The following TCF12 variants were observed in gnomAD, a reference collection of about 807,000 sequenced individuals.
TCF12 encodes the protein transcription factor 12.
In TCF12, 45 loss-of-function variants were observed where a neutral mutation model predicts 86.0. That is an observed-to-expected ratio of 0.52 (90% confidence interval 0.41 to 0.67). TCF12 has a LOEUF of 0.67. Among genes scored for constraint, TCF12 ranks in the 30% least tolerant of loss-of-function variants. The probability of loss-of-function intolerance (pLI) is 0.00; values close to 1 mark genes in which losing one functional copy is unlikely to be tolerated. For missense variants in TCF12, 881 were observed against 859.9 expected (o/e 1.02, Z -0.31); for synonymous variants, 330 against 299.6 (o/e 1.10, Z -1.05).
At chr15:57,079,025 T>A (rs1220748234) in intron 4 of TCF12, among the ~76,000 whole-genome samples, 4 of 152,256 alleles carry the variant, frequency 2.6e-5, no homozygotes, top group Non-Finnish European at 4.4e-5. Flanking sequence ...CAAATGTAAT[T>A]AACTCATTAT....
intron 4 of TCF12, among the ~76,000 whole-genome samples, chr15:57,086,715 A>AAC (rs2048658505): frequency 6.6e-6 from 1 of 151,116 alleles, no homozygotes; most frequent in African/African-American, 2.4e-5. Context: ...TAAAAAAAAA[A>AAC]AAAAAAAAAA....
At chr15:57,158,595 A>G (rs1267952504) in intron 5 of TCF12, among the ~76,000 whole-genome samples, 2 of 152,206 alleles carry the variant, frequency 1.3e-5, no homozygotes, top group African/African-American at 4.8e-5. Context: ...TTGATTGGGA[A>G]GCTGCTTACA....
chr15:57,021,508 A>G (rs2957576), intron 3 of TCF12, among the ~76,000 whole-genome samples: 27,527 of 152,152 alleles, frequency 0.18, 3,004 homozygotes, highest in Non-Finnish European at 0.24. Context: ...AATCATAAGG[A>G]AACAGTTTGA....
chr15:57,092,464 T>C lies in TCF12; in HGVS notation c.325+573T>C, dbSNP rs540592992. On this transcript the variant is annotated intron_variant, in intron 5 of 20. Transcript: ENST00000333725. ...CACTACCATCTAAACTTGATTTTTA[T>C]GTTTAGGCAAAACCTTTGTGGTTAA... Among the ~76,000 whole-genome samples the C allele has an allele frequency of 4.6e-5, 7 of 152,320 alleles. No homozygotes were observed. The East Asian group carries it at 1.3e-3, about 29-fold the overall frequency.
intron 7 of TCF12, 140 bp from the exon 8 acceptor site, chr15:57,197,633 C>T: frequency 1.3e-6 from 1 of 786,530 alleles, no homozygotes; most frequent in Non-Finnish European, 2.0e-6. Flanking sequence ...GAATGAAGCC[C>T]TCATTACTGT....
chr15:57,178,914 T>G (rs2056143817), intron 6 of TCF12, among the ~76,000 whole-genome samples: 1 of 152,182 alleles, frequency 6.6e-6, no homozygotes, highest in Non-Finnish European at 1.5e-5. Context: ...AAAATGACAT[T>G]TAGCTTGTTC....
intron 5 of TCF12, among the ~76,000 whole-genome samples, chr15:57,151,939 G>T (rs140208876): frequency 6.6e-6 from 1 of 152,260 alleles, no homozygotes; most frequent in African/African-American, 2.4e-5. Context: ...ACTGGGGCAG[G>T]GGCAAAAGCT....
Position 57,273,225 on chromosome 15 carries a change from C to T in TCF12, c.1941C>T (p.Ala647=), listed in dbSNP as rs375392073. 13 of 1,613,994 alleles carry T rather than the reference C, an allele frequency of 8.1e-6. No individual in the cohort carries two copies. The highest frequency in any genetic ancestry group is 5.3e-5 in the African/African-American group (4 of 74,906). The change falls in exon 19 of 21, where the codon GCC becomes GCT. Residue 647 remains alanine, a synonymous_variant. Coordinates refer to ENST00000333725, the MANE Select transcript of TCF12 (RefSeq NM_207037.2). ...CAAAACTCCTTATTCTTCATCAAGC[C>T]GTGGCAGTCATCCTTAGTCTAGAAC... ...PQTKLLILHQ[A]VAVILSLEQQ... is the part of the protein sequence containing the mutation.
At chr15:57,170,709 TATA>T (rs1567558847) in intron 6 of TCF12, among the ~76,000 whole-genome samples, 1 of 14,526 alleles carries the variant, frequency 6.9e-5, no homozygotes, top group Non-Finnish European at 1.3e-4. Flanking sequence ...ATATATAATA[TATA>T]ATATATATAT....
chr15:57,137,757 G>A (rs1357452197), intron 5 of TCF12, among the ~76,000 whole-genome samples: 4 of 152,176 alleles, frequency 2.6e-5, no homozygotes, highest in Non-Finnish European at 4.4e-5. Context: ...GGTCGGGCAC[G>A]GTGGCTCATG....
rs552760338 is a variant in TCF12 at position 57,284,448 on chromosome 15, G to C, written c.*12-1709G>C. ...TGGTCTCAAACTCCTGACCTCAAGC[G>C]ATCCGACCACCTCGGCTTCCCCAAG... is the stretch of plus-strand genomic sequence containing the variant. On this transcript the variant is annotated intron_variant, in intron 20 of 20. Coordinates refer to ENST00000333725, the MANE Select transcript of TCF12 (RefSeq NM_207037.2). 1.1e-4 allele frequency among the ~76,000 whole-genome samples: 17 copies of C among 152,260 alleles called. No homozygotes were observed. The South Asian group carries it at 3.3e-3, about 30-fold the overall frequency.
At chr15:57,247,492 C>T in intron 13 of TCF12, 1 of 779,206 alleles carries the variant, frequency 1.3e-6, no homozygotes, top group Non-Finnish European at 2.3e-6. Context: ...TGTGGCATTT[C>T]TGAACAACAA....
chr15:57,282,691 C>CA lies in TCF12; in HGVS notation c.*11+94dup, dbSNP rs556464206. The CA allele has an allele frequency of 3.4e-3, 4,763 of 1,421,504 alleles. 17 individuals are homozygous for CA. The highest frequency in any genetic ancestry group is 6.6e-3 in the Middle Eastern group (36 of 5,488). 88.1% of individuals were successfully genotyped at this position (1,421,504 alleles called of 1,614,324 possible). ...TCTTTGAACAGAATTCTCTAGTGAG[C>CA]AGTGGCCATTGTAAAGGTCACATGT... On this transcript the variant is annotated intron_variant, in intron 20 of 20. Transcript: ENST00000333725.
At chr15:57,038,125 G>A (rs992258047) in intron 3 of TCF12, among the ~76,000 whole-genome samples, 1 of 152,180 alleles carries the variant, frequency 6.6e-6, no homozygotes, top group African/African-American at 2.4e-5. Flanking sequence ...AGGAAGCTGG[G>A]ATAGGGCAAG....
Position 57,206,983 on chromosome 15 carries a change from G to A in TCF12, c.579+9158G>A, listed in dbSNP as rs74442812. Among the ~76,000 whole-genome samples the A allele has an allele frequency of 1.7e-3, 260 of 151,566 alleles. 4 individuals are homozygous for A. Among genetic ancestry groups the A allele is most frequent in the East Asian group, 0.013 (67 of 5,156 alleles). ...AAATTGGTCGTGGTAGTGTGTGCCT[G>A]TAGTACTAGGTACTCAGGAGGCTAA... is the stretch of plus-strand genomic sequence containing the variant. On this transcript the variant is annotated intron_variant, in intron 8 of 20. Transcript: ENST00000333725.
chr15:56,986,361 T>C (rs1222381278), intron 3 of TCF12, among the ~76,000 whole-genome samples: 3 of 152,154 alleles, frequency 2.0e-5, no homozygotes, highest in African/African-American at 7.2e-5. Flanking sequence ...ATAAATAAAA[T>C]GTAAATGCTA....
At chr15:56,990,607 G>C (rs2063404150) in intron 3 of TCF12, among the ~76,000 whole-genome samples, 1 of 151,984 alleles carries the variant, frequency 6.6e-6, no homozygotes, top group South Asian at 2.1e-4. Context: ...TTCTATTGCA[G>C]ATTTGTTATT....
intron 3 of TCF12, among the ~76,000 whole-genome samples, chr15:57,007,770 C>A (rs1215667256): frequency 1.7e-4 from 8 of 47,476 alleles, no homozygotes; most frequent in Admixed American, 1.1e-3. Flanking sequence ...TTCTTTCTTT[C>A]TTTCTTTCTT....
Position 57,279,934 on chromosome 15 carries a change from C to T in TCF12, c.1979-2511C>T, listed in dbSNP as rs546666886. ...AGACAGAGTTTTGCTCTTCTTGTCGCCCAGGCTGGAGTGCAGTGGCGCGAT... is the reference window on the plus strand; with the variant it reads ...AGACAGAGTTTTGCTCTTCTTGTCGTCCAGGCTGGAGTGCAGTGGCGCGAT... On this transcript the variant is annotated intron_variant, in intron 19 of 20. Coordinates refer to ENST00000333725, the MANE Select transcript of TCF12 (RefSeq NM_207037.2). Among the ~76,000 whole-genome samples the T allele has an allele frequency of 1.4e-3, 192 of 137,026 alleles. 3 individuals are homozygous for T. In the East Asian group the frequency reaches 0.018, roughly 13 times the overall value. The allele number at this position is 137,026 out of a possible 152,430, so 89.9% of individuals were successfully genotyped here. A position where few individuals can be genotyped will look rare whatever the true frequency, so the allele number is the denominator to read the frequency against.
Sources: gnomAD v4.1 joint callset for allele counts (sites outside exome capture counted in the v4.1 genomes callset) on GRCh38, gnomAD v4.1.1 for gene constraint, MANE v1.5 for transcripts, NCBI Gene and HGNC (gene_info 2026-07-23, HGNC 2026-07-21) for gene names.